SLIT2: variants seen among roughly 807,000 people sequenced by gnomAD.
SLIT2 encodes the protein slit homolog 2 protein.
SLIT2 carries 41 observed loss-of-function variants against 185.7 expected under a neutral mutation model. That is an observed-to-expected ratio of 0.22 (90% confidence interval 0.17 to 0.29). SLIT2 has a LOEUF of 0.29. SLIT2 is among the 10% of genes least tolerant of loss of function. SLIT2 has a pLI of 1.00. For synonymous variants in SLIT2, 693 were observed against 680.2 expected (o/e 1.02, Z -0.29); for missense variants, 1,571 against 1,909.0 (o/e 0.82, Z 3.30).
chr4:20,437,008 A>G (rs1268130489), intron 4 of SLIT2, among the ~76,000 whole-genome samples: 3 of 152,230 alleles, frequency 2.0e-5, no homozygotes, highest in Non-Finnish European at 4.4e-5. Context: ...TATGTAAAAC[A>G]TTTAGAAAAT....
Position 20,568,888 on chromosome 4 carries a change from A to T in SLIT2, c.2972A>T (p.Glu991Val). 1.2e-6 allele frequency: 2 copies of T among 1,612,334 alleles called. No homozygotes were observed. Among genetic ancestry groups the T allele is most frequent in the Non-Finnish European group, 1.7e-6 (2 of 1,178,744 alleles). ...AGGTGTATTTGTGCTGATGGATTTG[A>T]AGGAGAAAATTGTGAAGTCAACGTT... ...GFWCICADGF[E>V]GENCEVNVDD... The change falls in exon 29 of 37, where the codon GAA becomes GTA. Residue 991 changes from glutamate (E) to valine (V), a missense_variant. Transcript: ENST00000504154.
intron 16 of SLIT2, among the ~76,000 whole-genome samples, chr4:20,531,659 A>G (rs982617793): frequency 1.3e-5 from 2 of 152,156 alleles, no homozygotes; most frequent in Admixed American, 6.5e-5. Flanking sequence ...ACGATTAGGG[A>G]AAAAACAGTC....
chr4:20,261,426 T>A (rs2109015735), intron 3 of SLIT2, among the ~76,000 whole-genome samples: 1 of 152,004 alleles, frequency 6.6e-6, no homozygotes, highest in African/African-American at 2.4e-5. Flanking sequence ...ATTTGAGTTT[T>A]TTTTGGATGC....
rs34477780 is a variant in SLIT2 at position 20,280,833 on chromosome 4, G to GTTT, written c.395+11966_395+11968dup. Among the ~76,000 whole-genome samples the GTTT allele has an allele frequency of 6.9e-5, 9 of 130,636 alleles. No homozygotes were observed. The East Asian group carries it at 1.1e-3, about 16-fold the overall frequency. 85.7% of individuals were successfully genotyped at this position (130,636 alleles called of 152,430 possible). A position where few individuals can be genotyped will look rare whatever the true frequency, so the allele number is the denominator to read the frequency against. On this transcript the variant is annotated intron_variant, in intron 4 of 36. Transcript: ENST00000504154. ...GTTTGAAGGCTTATATTAAAAAAAT[G>GTTT]TTTTTTTTTTTTTTTTGAGACGGAG...
rs186879040 is a variant in SLIT2, at chr4:20,406,711, G to T, written c.396-61041G>T. ...CAAGGACTCTCAAACATTGCCACTGGGGGCATAAATCAGTACAATTAGTAT... is the reference window on the plus strand; with the variant it reads ...CAAGGACTCTCAAACATTGCCACTGTGGGCATAAATCAGTACAATTAGTAT... On this transcript the variant is annotated intron_variant, in intron 4 of 36. Transcript: ENST00000504154. 4.2e-4 allele frequency among the ~76,000 whole-genome samples: 60 copies of T among 144,292 alleles called. 18 individuals are homozygous for T. The East Asian group carries it at 0.014, about 33-fold the overall frequency. The allele number at this position is 144,292 out of a possible 152,430, so 94.7% of individuals were successfully genotyped here.
At chr4:20,413,628 C>T (rs777346743) in intron 4 of SLIT2, among the ~76,000 whole-genome samples, 2 of 151,898 alleles carry the variant, frequency 1.3e-5, no homozygotes, top group Non-Finnish European at 1.5e-5. Context: ...TCTGTTTTTA[C>T]GTGTCATGTT....
chr4:20,444,794 A>G (rs894047151), intron 4 of SLIT2, among the ~76,000 whole-genome samples: 7 of 152,060 alleles, frequency 4.6e-5, no homozygotes, highest in African/African-American at 1.2e-4. Flanking sequence ...TCTACCTCCC[A>G]CTGCATTGCA....
intron 5 of SLIT2, among the ~76,000 whole-genome samples, chr4:20,477,060 C>T (rs770085853): frequency 6.6e-6 from 1 of 151,504 alleles, no homozygotes; most frequent in Non-Finnish European, 1.5e-5. Flanking sequence ...CATCGACACA[C>T]TGCATTATGT....
intron 5 of SLIT2, among the ~76,000 whole-genome samples, chr4:20,472,280 A>ATAGATCTG (rs1715201180): frequency 3.5e-5 from 1 of 28,942 alleles, no homozygotes; most frequent in African/African-American, 2.4e-4. Context: ...ATATATCTAT[A>ATAGATCTG]TATATAGATA....
rs2148948438 is a variant in SLIT2 at position 20,589,705 on chromosome 4, T to C, written c.3150T>C (p.Asp1050=). Residue 1050 remains aspartate, a synonymous_variant, in exon 30 of 37, where the codon GAT becomes GAC. Coordinates refer to ENST00000504154, the MANE Select transcript of SLIT2 (RefSeq NM_004787.4). ...CAQDLNPCQH[D]SKCILTPKGF... ...AGGACCTGAACCCCTGCCAGCACGA[T>C]TCAAAGTGCATCCTAACTCCAAAGG... The C allele has an allele frequency of 6.2e-7, 1 of 1,613,802 alleles. No homozygotes were observed. Among genetic ancestry groups the C allele is most frequent in the Non-Finnish European group, 8.5e-7 (1 of 1,179,944 alleles).
chr4:20,591,418 GT>G (rs1183320910), intron 30 of SLIT2, among the ~76,000 whole-genome samples: 3 of 152,004 alleles, frequency 2.0e-5, no homozygotes, highest in Admixed American at 6.6e-5. Flanking sequence ...TTTTGACAAT[GT>G]GCTTTTGCTT....
intron 29 of SLIT2, among the ~76,000 whole-genome samples, chr4:20,571,628 T>C (rs1200901420): frequency 2.0e-5 from 3 of 152,176 alleles, no homozygotes; most frequent in Non-Finnish European, 4.4e-5. Context: ...TATAATGTGA[T>C]TATATGGTTT....
chr4:20,312,459 G>C (rs1241781656), intron 4 of SLIT2, among the ~76,000 whole-genome samples: 1 of 152,006 alleles, frequency 6.6e-6, no homozygotes. Flanking sequence ...GTAGTTATAA[G>C]TAAAATTAAA....
At chr4:20,497,440 T>A (rs1438228617) in intron 9 of SLIT2, among the ~76,000 whole-genome samples, 2 of 151,748 alleles carry the variant, frequency 1.3e-5, no homozygotes, top group Non-Finnish European at 2.9e-5. Context: ...AAAGGAAAAA[T>A]TTTCAAAATC....
chr4:20,273,017 C>G (rs16869455), intron 4 of SLIT2, among the ~76,000 whole-genome samples: 7,347 of 152,098 alleles, frequency 0.048, 462 homozygotes, highest in African/African-American at 0.14. Flanking sequence ...TTCATTATCT[C>G]TCAGATAGGA....
intron 21 of SLIT2, among the ~76,000 whole-genome samples, chr4:20,543,248 C>G (rs886795291): frequency 1.4e-4 from 22 of 152,078 alleles, no homozygotes; most frequent in Non-Finnish European, 3.2e-4. Flanking sequence ...TTATCCTTGA[C>G]ATTTTCATAA....
rs182171531 is a variant in SLIT2 at position 20,251,922 on chromosome 4, T to C, written c.-1894T>C. Reference sequence around the variant, plus strand: ...AACTTCGGACTTGGTGTTATTTATTTGGGAAGCGCCCGGACGGCGGAGCTT... The same window carrying C: ...AACTTCGGACTTGGTGTTATTTATTCGGGAAGCGCCCGGACGGCGGAGCTT... On this transcript the variant is annotated 5_prime_UTR_variant, in exon 1 of 37. Transcript: ENST00000504154. Among the ~76,000 whole-genome samples, 1,213 of 152,070 alleles carry C rather than the reference T, an allele frequency of 8.0e-3. 4 individuals are homozygous for C. Among genetic ancestry groups the C allele is most frequent in the Non-Finnish European group, 0.012 (797 of 67,956 alleles).
rs1725979675 is a variant in SLIT2, at chr4:20,397,371, T to C, written c.396-70381T>C. Reference sequence around the variant, plus strand: ...AATGCTAATTAAATAGGATAACAGATACTACAAAGCACTTCCTAAGCCTGA... The same window carrying C: ...AATGCTAATTAAATAGGATAACAGACACTACAAAGCACTTCCTAAGCCTGA... On this transcript the variant is annotated intron_variant, in intron 4 of 36. Coordinates refer to ENST00000504154, the MANE Select transcript of SLIT2 (RefSeq NM_004787.4). Among the ~76,000 whole-genome samples the C allele has an allele frequency of 7.2e-5, 11 of 151,936 alleles. No homozygotes were observed. The South Asian group carries it at 2.3e-3, about 31-fold the overall frequency.
rs965815288 is a variant in SLIT2, at chr4:20,567,444, T to G, written c.2850+58T>G. 5.1e-5 allele frequency: 82 copies of G among 1,610,976 alleles called. No homozygotes were observed. The South Asian group carries it at 7.1e-4, about 14-fold the overall frequency. On this transcript the variant is annotated intron_variant, in intron 27 of 36. Transcript: ENST00000504154. ...AGAGCATAACTTTTCTTGGTGTGCC[T>G]TTATTATTCTACTGTGCTTTCTGTA...
Sources: gnomAD v4.1 joint callset for allele counts (sites outside exome capture counted in the v4.1 genomes callset) on GRCh38, gnomAD v4.1.1 for gene constraint, MANE v1.5 for transcripts, NCBI Gene and HGNC (gene_info 2026-07-23, HGNC 2026-07-21) for gene names.